NXPH2: variants seen among roughly 807,000 people sequenced by gnomAD.
The protein encoded by NXPH2 is neurexophilin 2.
In NXPH2, 5 loss-of-function variants were observed where a neutral mutation model predicts 19.8. The ratio of observed to expected loss-of-function variants is 0.25; its 90% confidence interval spans 0.13 to 0.53. The LOEUF is 0.53. Among genes scored for constraint, NXPH2 ranks in the 20% least tolerant of loss-of-function variants. NXPH2 has a pLI of 0.96. For synonymous variants in NXPH2, 154 were observed against 127.4 expected (o/e 1.21, Z -1.41); for missense variants, 289 against 322.8 (o/e 0.90, Z 0.80).
chr2:138,691,419 T>C (rs1425255124), intron 1 of NXPH2, among the ~76,000 whole-genome samples: 2 of 152,182 alleles, frequency 1.3e-5, no homozygotes, highest in African/African-American at 4.8e-5. Context: ...ACAGATTGAA[T>C]GTGAGAGACA....
chr2:138,764,663 A>G (rs757800190), intron 1 of NXPH2, among the ~76,000 whole-genome samples: 3 of 152,332 alleles, frequency 2.0e-5, no homozygotes, highest in South Asian at 4.1e-4. Flanking sequence ...CTATCTATCT[A>G]TGATGGTCAC....
intron 1 of NXPH2, among the ~76,000 whole-genome samples, chr2:138,736,859 C>T (rs966132703): frequency 1.3e-5 from 2 of 152,202 alleles, no homozygotes; most frequent in Non-Finnish European, 2.9e-5. Flanking sequence ...CTCTCAAGTT[C>T]GAAGTTCCAC....
chr2:138,749,563 G>C (rs1308766284), intron 1 of NXPH2, among the ~76,000 whole-genome samples: 1 of 152,028 alleles, frequency 6.6e-6, no homozygotes, highest in African/African-American at 2.4e-5. Context: ...ACACGTTCAA[G>C]AATTAAGAGG....
intron 1 of NXPH2, among the ~76,000 whole-genome samples, chr2:138,763,258 A>C (rs970869210): frequency 2.0e-5 from 3 of 152,190 alleles, no homozygotes; most frequent in African/African-American, 7.2e-5. Flanking sequence ...AACAGAATAA[A>C]CACAAAATCA....
rs1681483658 is a variant in NXPH2, at chr2:138,733,508, CAAG to C, written c.51+46680_51+46682del. Among the ~76,000 whole-genome samples, 2 of 152,054 alleles carry C rather than the reference CAAG, an allele frequency of 1.3e-5. 1 individual carries two copies. The highest frequency in any genetic ancestry group is 1.3e-4 in the Admixed American group (2 of 15,264). ...AAAGAGCCAAAAGGATCTTGAAAGG[CAAG>C]AAGAAAAGAGTTTAAATGAATGGAG... On this transcript the variant is annotated intron_variant, in intron 1 of 1. Coordinates refer to ENST00000272641, the MANE Select transcript of NXPH2 (RefSeq NM_007226.3).
chr2:138,706,755 T>C (rs72988927), intron 1 of NXPH2, among the ~76,000 whole-genome samples: 10,860 of 151,618 alleles, frequency 0.072, 1,341 homozygotes, highest in African/African-American at 0.25. Flanking sequence ...TTTTTTTAAG[T>C]AGGCAGGTGT....
At chr2:138,748,865 C>G (rs1558928687) in intron 1 of NXPH2, among the ~76,000 whole-genome samples, 1 of 152,120 alleles carries the variant, frequency 6.6e-6, no homozygotes, top group African/African-American at 2.4e-5. Flanking sequence ...GCATTGTGAT[C>G]AGCAAGCGTA....
chr2:138,695,614 C>T (rs1680818153), intron 1 of NXPH2, among the ~76,000 whole-genome samples: 1 of 151,942 alleles, frequency 6.6e-6, no homozygotes, highest in Admixed American at 6.6e-5. Flanking sequence ...TTAAATATTT[C>T]TTGAAATCAG....
At chr2:138,733,543 G>C (rs1335647976) in intron 1 of NXPH2, among the ~76,000 whole-genome samples, 1 of 152,184 alleles carries the variant, frequency 6.6e-6, no homozygotes, top group East Asian at 1.9e-4. Context: ...GGAGAGACAT[G>C]TGAAGTCTTG....
chr2:138,706,967 G>A (rs1468148291), intron 1 of NXPH2, among the ~76,000 whole-genome samples: 1 of 151,254 alleles, frequency 6.6e-6, no homozygotes, highest in Non-Finnish European at 1.5e-5. Context: ...GTTGCAGATG[G>A]GTCTCTTAAA....
At chr2:138,719,862 T>C (rs1486406744) in intron 1 of NXPH2, among the ~76,000 whole-genome samples, 3 of 152,242 alleles carry the variant, frequency 2.0e-5, no homozygotes, top group Non-Finnish European at 4.4e-5. Context: ...CATGTACTTA[T>C]ATACGTTTCT....
chr2:138,741,151 T>C (rs556349525), intron 1 of NXPH2, among the ~76,000 whole-genome samples: 1 of 152,332 alleles, frequency 6.6e-6, no homozygotes, highest in Non-Finnish European at 1.5e-5. Flanking sequence ...AACACCTTTG[T>C]CTGTCAACTT....
chr2:138,675,134 C>T (rs559050962), intron 1 of NXPH2, among the ~76,000 whole-genome samples: 5 of 152,162 alleles, frequency 3.3e-5, no homozygotes, highest in Non-Finnish European at 7.3e-5. Context: ...TACCATGACA[C>T]TTTATCAGCA....
intron 1 of NXPH2, among the ~76,000 whole-genome samples, chr2:138,745,085 C>G (rs1681704608): frequency 6.6e-6 from 1 of 152,188 alleles, no homozygotes; most frequent in Admixed American, 6.5e-5. Context: ...ACTGCTGCCC[C>G]TAAGACTAAC....
At chr2:138,706,907 A>G (rs1681023884) in intron 1 of NXPH2, among the ~76,000 whole-genome samples, 1 of 151,734 alleles carries the variant, frequency 6.6e-6, no homozygotes, top group Non-Finnish European at 1.5e-5. Flanking sequence ...TGTCTTTAAA[A>G]TAAACTAAAA....
intron 1 of NXPH2, among the ~76,000 whole-genome samples, chr2:138,682,526 G>A (rs1322344042): frequency 1.3e-5 from 2 of 152,142 alleles, no homozygotes; most frequent in Non-Finnish European, 2.9e-5. Flanking sequence ...GCATAATGTG[G>A]CATTGTTCCA....
chr2:138,695,278 A>C (rs182794641), intron 1 of NXPH2, among the ~76,000 whole-genome samples: 2 of 152,328 alleles, frequency 1.3e-5, no homozygotes, highest in East Asian at 3.9e-4. Flanking sequence ...TTTAATATTA[A>C]GTGTTAAAAT....
chr2:138,678,077 C>A (rs571346003), intron 1 of NXPH2, among the ~76,000 whole-genome samples: 23 of 152,340 alleles, frequency 1.5e-4, no homozygotes, highest in Admixed American at 1.4e-3. Context: ...ATTTGGTCAT[C>A]ACCAATCCTT....
chr2:138,728,736 ACATTATGTAGACAG>A (rs1681399563), intron 1 of NXPH2, among the ~76,000 whole-genome samples: 1 of 152,250 alleles, frequency 6.6e-6, no homozygotes, highest in African/African-American at 2.4e-5. Flanking sequence ...AAAAAGTTTG[ACATTATGTAGACAG>A]CAAGCTATGC....
Sources: gnomAD v4.1 joint callset for allele counts (sites outside exome capture counted in the v4.1 genomes callset) on GRCh38, gnomAD v4.1.1 for gene constraint, MANE v1.5 for transcripts, NCBI Gene and HGNC (gene_info 2026-07-23, HGNC 2026-07-21) for gene names.